MYO1E: variants seen among roughly 807,000 people sequenced by gnomAD.
MYO1E encodes myosin IE.
MYO1E carries 68 observed loss-of-function variants against 151.1 expected under a neutral mutation model. That is an observed-to-expected ratio of 0.45 (90% CI 0.37 to 0.55). The LOEUF (loss-of-function observed/expected upper bound fraction) is 0.55, where lower values mean the gene tolerates loss of function less well. Ranked by LOEUF, MYO1E falls within the 20% of genes least tolerant of loss-of-function variation. MYO1E has a pLI of 0.00. For missense variants in MYO1E, 1,363 were observed against 1,389.3 expected (o/e 0.98, Z 0.30); for synonymous variants, 601 against 501.7 (o/e 1.20, Z -2.64).
At chr15:59,200,179 T>C (rs2079792329) in intron 16 of MYO1E, among the ~76,000 whole-genome samples, 1 of 152,172 alleles carries the variant, frequency 6.6e-6, no homozygotes, top group African/African-American at 2.4e-5. Context: ...GCTCTCCTTT[T>C]TATAGACAAT....
chr15:59,148,267 GAA>G (rs2079454080), intron 26 of MYO1E, among the ~76,000 whole-genome samples: 1 of 152,146 alleles, frequency 6.6e-6, no homozygotes, highest in African/African-American at 2.4e-5. Context: ...AAAAAGGAAA[GAA>G]TGAATGAACC....
intron 1 of MYO1E, among the ~76,000 whole-genome samples, chr15:59,280,168 G>A (rs879614482): frequency 6.6e-5 from 10 of 152,110 alleles, no homozygotes; most frequent in African/African-American, 1.9e-4. Flanking sequence ...GAAGAGACAC[G>A]ACAGCTTTCT....
chr15:59,310,916 T>C (rs1214919086), intron 1 of MYO1E, among the ~76,000 whole-genome samples: 1 of 152,078 alleles, frequency 6.6e-6, no homozygotes, highest in Non-Finnish European at 1.5e-5. Context: ...TAGGACAAAT[T>C]CCAAGCAAGC....
chr15:59,202,794 C>T (rs1040733418), intron 15 of MYO1E, among the ~76,000 whole-genome samples: 9 of 152,160 alleles, frequency 5.9e-5, no homozygotes, highest in East Asian at 1.9e-4. Context: ...CAGGTTGGAG[C>T]GCAGGGGTTC....
At chr15:59,214,176 T>G in intron 12 of MYO1E, 52 bp downstream of exon 12, 1 of 1,460,690 alleles carries the variant, frequency 6.8e-7, no homozygotes, top group South Asian at 1.2e-5. Flanking sequence ...TATACCCTCT[T>G]AAACAAAATA....
chr15:59,168,820 TATG>T (rs1287101510), intron 22 of MYO1E, among the ~76,000 whole-genome samples: 2 of 152,102 alleles, frequency 1.3e-5, no homozygotes, highest in African/African-American at 4.8e-5. Flanking sequence ...GGGTTCTTAC[TATG>T]TTGCCCAGGT....
intron 1 of MYO1E, among the ~76,000 whole-genome samples, chr15:59,275,893 C>A (rs1431063243): frequency 1.3e-5 from 2 of 152,166 alleles, no homozygotes; most frequent in African/African-American, 4.8e-5. Flanking sequence ...GGGTAGGGGA[C>A]AACAGAATTT....
At chr15:59,293,229 T>C (rs1456650227) in intron 1 of MYO1E, among the ~76,000 whole-genome samples, 5 of 152,200 alleles carry the variant, frequency 3.3e-5, no homozygotes, top group Non-Finnish European at 5.9e-5. Flanking sequence ...GTTAAGTTTA[T>C]TGAGGGTTCC....
chr15:59,362,876 T>TACA, intron 1 of MYO1E, among the ~76,000 whole-genome samples: 1 of 152,226 alleles, frequency 6.6e-6, no homozygotes, highest in South Asian at 2.1e-4. Flanking sequence ...CTGTAATGTA[T>TACA]TTAAGAATTA....
At chr15:59,207,216 C>A (rs756853291) in intron 14 of MYO1E, 20 of 1,614,210 alleles carry the variant, frequency 1.2e-5, no homozygotes, top group Non-Finnish European at 1.6e-5. Flanking sequence ...TATTAAAAGG[C>A]TTGAGTGATG....
In MYO1E at chr15:59,270,555, A is replaced by G. The variant is rs573527250; in HGVS notation, c.147+1751T>C. Among the ~76,000 whole-genome samples the G allele has an allele frequency of 2.1e-3, 316 of 151,810 alleles. 2 individuals carry two copies. Among genetic ancestry groups the G allele is most frequent in the East Asian group, 0.011 (56 of 5,180 alleles). On this transcript the variant is annotated intron_variant, in intron 2 of 27. Coordinates refer to ENST00000288235, the MANE Select transcript of MYO1E (RefSeq NM_004998.4). ...GAGACCCTGTCTTAAAAAAAAAAAA[A>G]AAAAGAAAAGAAAAAAGAAAAAAAA...
chr15:59,179,668 T>C (rs1412448286), intron 18 of MYO1E, among the ~76,000 whole-genome samples: 1 of 152,228 alleles, frequency 6.6e-6, no homozygotes, highest in Non-Finnish European at 1.5e-5. Context: ...AGAGATGGGA[T>C]TTGAATCCCT....
intron 2 of MYO1E, among the ~76,000 whole-genome samples, chr15:59,271,623 A>T (rs2080289536): frequency 2.6e-5 from 4 of 152,256 alleles, no homozygotes; most frequent in Admixed American, 6.5e-5. Context: ...CCCCATAAAA[A>T]ATGGCATCCG....
chr15:59,228,829 T>C (rs1283337326), intron 6 of MYO1E, among the ~76,000 whole-genome samples: 1 of 152,208 alleles, frequency 6.6e-6, no homozygotes, highest in African/African-American at 2.4e-5. Context: ...CTGTGCACAC[T>C]GCAAATGTGT....
At position 59,256,371 on chromosome 15, in the gene MYO1E, T is replaced by A; in HGVS notation, c.245A>T (p.Tyr82Phe). Residue 82 changes from tyrosine (Y) to phenylalanine (F), a missense_variant, in exon 4 of 28, where the codon TAT becomes TTT. Coordinates refer to ENST00000288235, the MANE Select transcript of MYO1E (RefSeq NM_004998.4). ...EIEMYQGAAQYENPPHIYALA... is the reference protein window; with the variant it reads ...EIEMYQGAAQFENPPHIYALA... ...GGCATAGATATGTGGTGGGTTTTCA[T>A]ACTGTGCCTAGAAAAGCAAAAAATA... The A allele has an allele frequency of 6.2e-7, 1 of 1,606,500 alleles. No homozygotes were observed.
intron 22 of MYO1E, among the ~76,000 whole-genome samples, chr15:59,166,723 GA>G (rs1273054792): frequency 4.6e-5 from 7 of 152,118 alleles, no homozygotes; most frequent in African/African-American, 1.7e-4. Context: ...ACCACTCAGA[GA>G]AACCAGTGGC....
At chr15:59,185,039 A>C (rs1275380367) in intron 18 of MYO1E, among the ~76,000 whole-genome samples, 1 of 152,136 alleles carries the variant, frequency 6.6e-6, no homozygotes, top group Non-Finnish European at 1.5e-5. Context: ...ATGATCAATG[A>C]TATTGAACAC....
At chr15:59,352,604 G>A (rs1036814096) in intron 1 of MYO1E, among the ~76,000 whole-genome samples, 5 of 152,048 alleles carry the variant, frequency 3.3e-5, no homozygotes, top group South Asian at 2.1e-4. Context: ...CCTTAAACAC[G>A]GTACCTAACT....
At chr15:59,233,253 C>T (rs1344339520) in intron 5 of MYO1E, among the ~76,000 whole-genome samples, 2 of 152,092 alleles carry the variant, frequency 1.3e-5, no homozygotes, top group Non-Finnish European at 1.5e-5. Context: ...TTTATGTATC[C>T]ATTCATCCAT....
Sources: gnomAD v4.1 joint callset for allele counts (sites outside exome capture counted in the v4.1 genomes callset) on GRCh38, gnomAD v4.1.1 for gene constraint, MANE v1.5 for transcripts, NCBI Gene and HGNC (gene_info 2026-07-23, HGNC 2026-07-21) for gene names.